Variants in PGCKA1 observed in about 807,000 individuals in gnomAD.
PGCKA1 encodes the protein PDCD10 and GCKIII kinases associated 1, also known as PDCD10 and GCKIII kinases-associated protein 1.
chr4:37,545,766 CTCTGTATATTG>C, the PGCKA1 span, among the ~76,000 whole-genome samples: 135 of 152,314 alleles, frequency 8.9e-4, 1 homozygote, highest in East Asian at 0.024. Context: ...ATCTCTGAAA[CTCTGTATATTG>C]TCCTCCTGCC....
the PGCKA1 span, chr4:37,584,208 GT>G: frequency 1.3e-5 from 2 of 152,362 alleles, no homozygotes; most frequent in Non-Finnish European, 1.5e-5. Flanking sequence ...GAGTACATTA[GT>G]CCCCACCCTT....
chr4:37,483,466 C>A, the PGCKA1 span, among the ~76,000 whole-genome samples: 12 of 152,292 alleles, frequency 7.9e-5, no homozygotes, highest in African/African-American at 2.9e-4. Context: ...ACACCACAGG[C>A]AAGGTCTGGT....
At chr4:37,588,770 GAA>G in the PGCKA1 span, 5 of 1,042,620 alleles carry the variant, frequency 4.8e-6, no homozygotes, top group African/African-American at 4.8e-5. Context: ...AGTCTCTAGG[GAA>G]AAAAAAAGGC....
the PGCKA1 span, among the ~76,000 whole-genome samples, chr4:37,565,758 A>T: frequency 6.6e-6 from 1 of 152,152 alleles, no homozygotes; most frequent in South Asian, 2.1e-4. Context: ...TGTCAACTTG[A>T]TGGGATTGAA....
chr4:37,588,079 A>G, the PGCKA1 span: 2 of 152,284 alleles, frequency 1.3e-5, no homozygotes. Context: ...AGAGGCCAAC[A>G]TGGTCAGTTT....
chr4:37,586,379 T>C, the PGCKA1 span, among the ~76,000 whole-genome samples: 1 of 152,164 alleles, frequency 6.6e-6, no homozygotes. Flanking sequence ...GACTGCCTGC[T>C]CTGTACCAGG....
chr4:37,588,770 G>GA, the PGCKA1 span: 2,083 of 1,034,000 alleles, frequency 2.0e-3, no homozygotes, highest in Non-Finnish European at 2.4e-3. Context: ...AGTCTCTAGG[G>GA]AAAAAAAAAG....
At chr4:37,480,222 G>A in the PGCKA1 span, among the ~76,000 whole-genome samples, 3 of 152,234 alleles carry the variant, frequency 2.0e-5, no homozygotes, top group Non-Finnish European at 2.9e-5. Context: ...GCCAGGTGCC[G>A]TGGCTCACGC....
chr4:37,468,586 A>G, the PGCKA1 span, among the ~76,000 whole-genome samples: 1 of 152,198 alleles, frequency 6.6e-6, no homozygotes, highest in East Asian at 1.9e-4. Flanking sequence ...ATGAGCTGCT[A>G]TCTCTAGGAA....
the PGCKA1 span, among the ~76,000 whole-genome samples, chr4:37,554,084 T>C: frequency 3.9e-5 from 6 of 152,174 alleles, no homozygotes; most frequent in Non-Finnish European, 7.3e-5. Context: ...TTTCCCGTGG[T>C]ATTCTCATGA....
chr4:37,517,364 G>T, the PGCKA1 span, among the ~76,000 whole-genome samples: 3,507 of 150,468 alleles, frequency 0.023, 118 homozygotes, highest in East Asian at 0.074. Flanking sequence ...CAGAAAATAC[G>T]GTATATTTTT....
chr4:37,552,726 A>T, the PGCKA1 span, among the ~76,000 whole-genome samples: 1 of 152,134 alleles, frequency 6.6e-6, no homozygotes, highest in South Asian at 2.1e-4. Context: ...ACTCTTAGCA[A>T]GTCTTTCTGT....
the PGCKA1 span, among the ~76,000 whole-genome samples, chr4:37,465,239 T>C: frequency 1.3e-5 from 2 of 152,302 alleles, no homozygotes; most frequent in Admixed American, 6.5e-5. Context: ...AAAAGCTTTT[T>C]TTTTTTCTAT....
the PGCKA1 span, among the ~76,000 whole-genome samples, chr4:37,565,459 C>T: frequency 3.9e-5 from 6 of 152,080 alleles, no homozygotes; most frequent in African/African-American, 1.2e-4. Flanking sequence ...GGAGCAGCAC[C>T]GGGTCTAATC....
chr4:37,474,563 G>T, the PGCKA1 span, among the ~76,000 whole-genome samples: 1 of 152,156 alleles, frequency 6.6e-6, no homozygotes, highest in South Asian at 2.1e-4. Flanking sequence ...TAGGATGAGT[G>T]GAAAGGGAAG....
the PGCKA1 span, among the ~76,000 whole-genome samples, chr4:37,545,194 CTT>C: frequency 6.6e-6 from 1 of 152,146 alleles, no homozygotes; most frequent in African/African-American, 2.4e-5. Context: ...ATGGTAGAGA[CTT>C]TTGTTGGTAG....
the PGCKA1 span, among the ~76,000 whole-genome samples, chr4:37,525,094 C>T: frequency 6.6e-6 from 1 of 152,248 alleles, no homozygotes; most frequent in Non-Finnish European, 1.5e-5. Flanking sequence ...ACCCTGCAAA[C>T]GTGTGTATGT....
chr4:37,556,664 A>G, the PGCKA1 span, among the ~76,000 whole-genome samples: 1 of 151,882 alleles, frequency 6.6e-6, no homozygotes, highest in Non-Finnish European at 1.5e-5. Flanking sequence ...TCTCTTCCCT[A>G]CCTGAACCAC....
At chr4:37,579,064 T>C in the PGCKA1 span, among the ~76,000 whole-genome samples, 63 of 152,016 alleles carry the variant, frequency 4.1e-4, no homozygotes, top group African/African-American at 1.5e-3. Flanking sequence ...TCTCAAAACA[T>C]AAATAAATAA....
Sources: gnomAD v4.1 joint callset for allele counts (sites outside exome capture counted in the v4.1 genomes callset) on GRCh38, gnomAD v4.1.1 for gene constraint, MANE v1.5 for transcripts, NCBI Gene and HGNC (gene_info 2026-07-23, HGNC 2026-07-21) for gene names.